Variants in ZCWPW2 observed in about 807,000 individuals in gnomAD.
ZCWPW2 encodes the protein zinc finger CW-type PWWP domain protein 2.
Under a neutral mutation model 46.6 loss-of-function variants are expected in ZCWPW2, and 45 were observed. The ratio of observed to expected loss-of-function variants is 0.96; its 90% CI spans 0.76 to 1.24. ZCWPW2 has a LOEUF of 1.24. ZCWPW2 is among the 50% of genes most tolerant of loss of function. ZCWPW2 has a pLI of 0.00. For missense variants in ZCWPW2, 429 were observed against 403.9 expected (o/e 1.06, Z -0.53); for synonymous variants, 152 against 137.1 (o/e 1.11, Z -0.76).
intron 3 of ZCWPW2, among the ~76,000 whole-genome samples, chr3:28,414,121 T>G (rs1696531307): frequency 1.3e-5 from 2 of 152,032 alleles, no homozygotes; most frequent in Non-Finnish European, 2.9e-5. Flanking sequence ...TTTTCTTATT[T>G]TAGGATTTTG....
intron 5 of ZCWPW2, among the ~76,000 whole-genome samples, chr3:28,483,079 G>A (rs1699484383): frequency 6.6e-6 from 1 of 152,008 alleles, no homozygotes; most frequent in Non-Finnish European, 1.5e-5. Flanking sequence ...CCATACATGA[G>A]GTCATCTAGG....
intron 6 of ZCWPW2, among the ~76,000 whole-genome samples, chr3:28,494,653 C>T (rs1395377558): frequency 1.3e-4 from 18 of 142,674 alleles, no homozygotes; most frequent in Middle Eastern, 3.5e-3. Context: ...TGTTTGCAGA[C>T]GACATGATTG....
chr3:28,461,601 T>C (rs1197276182), intron 4 of ZCWPW2: 1 of 152,142 alleles, frequency 6.6e-6, no homozygotes, highest in Admixed American at 6.5e-5. Flanking sequence ...GTTTCCTGAC[T>C]GGGTTGTTTT....
rs369718637 is a variant in ZCWPW2 at position 28,503,128 on chromosome 3, TG to T, written c.658-10935del. On this transcript the variant is annotated intron_variant, in intron 6 of 9. Transcript: ENST00000383768. ...TCTGGTGCTGCAGATTCTAAAAATT[TG>T]AAACTTTTCAACCATAAGTCTCCCT... 6.0e-4 allele frequency among the ~76,000 whole-genome samples: 91 copies of T among 152,250 alleles called. 2 individuals carry two copies. The highest frequency in any genetic ancestry group is 2.0e-3 in the African/African-American group (84 of 41,566).
At chr3:28,496,077 A>G (rs1206270738) in intron 6 of ZCWPW2, among the ~76,000 whole-genome samples, 2 of 152,052 alleles carry the variant, frequency 1.3e-5, no homozygotes. Flanking sequence ...TAGAGAGGCA[A>G]ACTGTCATAG....
chr3:28,483,901 T>C (rs1289645194), intron 5 of ZCWPW2, among the ~76,000 whole-genome samples: 1 of 152,188 alleles, frequency 6.6e-6, no homozygotes, highest in Non-Finnish European at 1.5e-5. Context: ...TTGGATTTAC[T>C]ACATAGACAA....
intron 5 of ZCWPW2, among the ~76,000 whole-genome samples, chr3:28,482,901 C>T (rs960464488): frequency 6.6e-6 from 1 of 152,092 alleles, no homozygotes; most frequent in Non-Finnish European, 1.5e-5. Context: ...TTAGATGTCG[C>T]TCTTTTATAG....
Position 28,478,800 on chromosome 3 carries a change from C to G in ZCWPW2, c.493-14C>G. 1 of 1,396,030 alleles carries G rather than the reference C, an allele frequency of 7.2e-7. No homozygotes were observed. The highest frequency in any genetic ancestry group is 1.5e-5 in the African/African-American group (1 of 67,002). The allele number at this position is 1,396,030 out of a possible 1,614,324, so 86.5% of individuals were successfully genotyped here. On this transcript the variant is annotated splice_polypyrimidine_tract_variant and intron_variant, in intron 4 of 9. Coordinates refer to ENST00000383768, the MANE Select transcript of ZCWPW2 (RefSeq NM_001040432.4). ...TTAAAAATGAATTTTTTTCTTTTTTCTGTATTTATATAGCCAGAAAAGTGT... is the reference window on the plus strand; with the variant it reads ...TTAAAAATGAATTTTTTTCTTTTTTGTGTATTTATATAGCCAGAAAAGTGT...
chr3:28,505,061 A>G (rs546384781), intron 6 of ZCWPW2, among the ~76,000 whole-genome samples: 2 of 152,142 alleles, frequency 1.3e-5, no homozygotes, highest in African/African-American at 2.4e-5. Flanking sequence ...TGGTACTCCT[A>G]TCCTCAGCCA....
In ZCWPW2 at chr3:28,467,368, G is replaced by A. The variant is rs149884246; in HGVS notation, c.493-11446G>A. ...ATATAAAAATATTATTTTACAGTCA[G>A]TAAGAAAAAGACCATTATACGTACT... is the stretch of plus-strand genomic sequence containing the variant. On this transcript the variant is annotated intron_variant, in intron 4 of 9. Coordinates refer to ENST00000383768, the MANE Select transcript of ZCWPW2 (RefSeq NM_001040432.4). 2.6e-3 allele frequency among the ~76,000 whole-genome samples: 395 copies of A among 152,084 alleles called. 10 individuals are homozygous for A. Among genetic ancestry groups the A allele is most frequent in the African/African-American group, 8.6e-3 (357 of 41,404 alleles).
At chr3:28,372,396 TAAC>T (rs1313028386) in intron 1 of ZCWPW2, among the ~76,000 whole-genome samples, 1 of 152,196 alleles carries the variant, frequency 6.6e-6, no homozygotes, top group South Asian at 2.1e-4. Flanking sequence ...CATGAAATGT[TAAC>T]AGCCCAAATA....
intron 2 of ZCWPW2, among the ~76,000 whole-genome samples, chr3:28,402,707 A>T (rs1695997425): frequency 6.6e-6 from 1 of 152,220 alleles, no homozygotes; most frequent in Admixed American, 6.5e-5. Flanking sequence ...ATCTGCCATG[A>T]TCAAGTGGCA....
chr3:28,408,393 T>C (rs1696249665), intron 2 of ZCWPW2, among the ~76,000 whole-genome samples: 1 of 152,224 alleles, frequency 6.6e-6, no homozygotes. Context: ...CTTTCTTCTT[T>C]CTGTCATCTC....
rs866596580 is a variant in ZCWPW2 at position 28,355,242 on chromosome 3, A to C, written c.-134+6039A>C. On this transcript the variant is annotated intron_variant, in intron 1 of 9. Coordinates refer to ENST00000383768, the MANE Select transcript of ZCWPW2 (RefSeq NM_001040432.4). ...ACAGTCAAATCATGAGTGAACTCCC[A>C]TTCACAATTGCTTCAAAGAGAATAA... is the stretch of plus-strand genomic sequence containing the variant. Among the ~76,000 whole-genome samples, 365 of 152,350 alleles carry C rather than the reference A, an allele frequency of 2.4e-3. 1 individual carries two copies. The highest frequency in any genetic ancestry group is 7.9e-3 in the African/African-American group (329 of 41,550).
At chr3:28,440,662 G>A (rs1398875987) in intron 4 of ZCWPW2, among the ~76,000 whole-genome samples, 1 of 152,170 alleles carries the variant, frequency 6.6e-6, no homozygotes, top group African/African-American at 2.4e-5. Context: ...TATGACCAGT[G>A]AATTTTATAA....
intron 1 of ZCWPW2, among the ~76,000 whole-genome samples, chr3:28,377,348 A>G (rs1705535391): frequency 6.6e-6 from 1 of 152,098 alleles, no homozygotes; most frequent in African/African-American, 2.4e-5. Flanking sequence ...TCTCACTAGA[A>G]CTGAGAGTAA....
At chr3:28,466,748 G>A (rs755443820) in intron 4 of ZCWPW2, among the ~76,000 whole-genome samples, 3 of 152,100 alleles carry the variant, frequency 2.0e-5, no homozygotes, top group African/African-American at 4.8e-5. Flanking sequence ...GCAGTGAGCC[G>A]AGATTGCACC....
At chr3:28,377,765 G>A (rs957279803) in intron 1 of ZCWPW2, among the ~76,000 whole-genome samples, 3 of 152,002 alleles carry the variant, frequency 2.0e-5, no homozygotes, top group Non-Finnish European at 4.4e-5. Flanking sequence ...TGTTAGATCT[G>A]TTTTATTCTT....
intron 3 of ZCWPW2, among the ~76,000 whole-genome samples, chr3:28,426,252 A>G (rs926847945): frequency 6.6e-6 from 1 of 151,924 alleles, no homozygotes; most frequent in Middle Eastern, 3.2e-3. Context: ...TTGTTTTTTT[A>G]AAAATTGATC....
Sources: allele counts gnomAD v4.1 joint callset (sites outside exome capture counted in the v4.1 genomes callset), GRCh38; gene constraint gnomAD v4.1.1; transcripts MANE v1.5; gene names NCBI Gene and HGNC (gene_info 2026-07-23, HGNC 2026-07-21).